PRKACA: variants seen among roughly 807,000 people sequenced by gnomAD.
The protein encoded by PRKACA is cAMP-dependent protein kinase catalytic subunit alpha.
PRKACA carries 9 observed loss-of-function variants against 45.8 expected under a neutral mutation model. That is an observed-to-expected ratio of 0.20 (90% CI 0.12 to 0.34). The LOEUF (loss-of-function observed/expected upper bound fraction) is 0.34. Ranked by LOEUF, PRKACA falls within the 10% of genes least tolerant of loss-of-function variation. The probability of loss-of-function intolerance (pLI) is 1.00; values close to 1 mark genes in which losing one functional copy is unlikely to be tolerated. For synonymous variants in PRKACA, 160 were observed against 178.6 expected (o/e 0.90, Z 0.83); for missense variants, 238 against 458.6 (o/e 0.52, Z 4.39).
At chr19:14,113,787 A>G (rs1271269563) in intron 1 of PRKACA, among the ~76,000 whole-genome samples, 3 of 143,564 alleles carry the variant, frequency 2.1e-5, no homozygotes, top group Non-Finnish European at 4.5e-5. Context: ...GCTGGACCCC[A>G]ACACTGGCTG....
At chr19:14,094,703 C>G (rs1267626635) in intron 8 of PRKACA, among the ~76,000 whole-genome samples, 2 of 152,214 alleles carry the variant, frequency 1.3e-5, no homozygotes, top group Admixed American at 6.5e-5. Flanking sequence ...CTTGCATTCT[C>G]AGCTGCTGCT....
chr19:14,093,121 A>G lies in PRKACA; in HGVS notation c.1047T>C (p.Ser349=). ...SINEKCGKEF[S]EF is the part of the protein sequence containing the mutation. ...GGGCACAGGCATGCCCCTAAAACTC[A>G]GAAAACTCCTTGCCACACTTCTCAT... Residue 349 remains serine, a synonymous_variant, in exon 10 of 10, where the codon TCT becomes TCC. Coordinates refer to ENST00000308677, the MANE Select transcript of PRKACA (RefSeq NM_002730.4). The G allele has an allele frequency of 3.1e-6, 5 of 1,610,542 alleles. No individual in the cohort carries two copies. The South Asian group carries it at 4.4e-5, about 14-fold the overall frequency.
rs893592478 is a variant in PRKACA at position 14,092,806 on chromosome 19, GAAACTCGTTTA to G, written c.*295_*305del. 2 of 373,594 alleles carry G rather than the reference GAAACTCGTTTA, an allele frequency of 5.4e-6. No individual in the cohort carries two copies. The highest frequency in any genetic ancestry group is 7.3e-4 in the Middle Eastern group (1 of 1,370). The allele number at this position is 373,594 out of a possible 1,614,324, so 23.1% of individuals were successfully genotyped here. ...CAAGACCTGGTCTGACTGGAGTTGA[GAAACTCGTTTA>G]AAACAGGCAGAAGTGGGCTGGGAGG... On this transcript the variant is annotated 3_prime_UTR_variant, in exon 10 of 10. Coordinates refer to ENST00000308677, the MANE Select transcript of PRKACA (RefSeq NM_002730.4).
At chr19:14,109,991 TATATATATACAC>T (rs1394338556) in intron 1 of PRKACA, among the ~76,000 whole-genome samples, 8 of 80,724 alleles carry the variant, frequency 9.9e-5, no homozygotes, top group African/African-American at 5.5e-4. Flanking sequence ...TATATATATA[TATATATATACAC>T]ACACACACAC....
intron 1 of PRKACA, among the ~76,000 whole-genome samples, chr19:14,110,632 C>G (rs1273531315): frequency 6.6e-6 from 1 of 152,120 alleles, no homozygotes; most frequent in African/African-American, 2.4e-5. Flanking sequence ...ACTGAGTGCT[C>G]AAATCTTAAA....
At chr19:14,113,068 C>G (rs1197144446) in intron 1 of PRKACA, among the ~76,000 whole-genome samples, 1 of 152,166 alleles carries the variant, frequency 6.6e-6, no homozygotes, top group Non-Finnish European at 1.5e-5. Context: ...GTATATCTGA[C>G]TCTTTTGTTT....
At chr19:14,107,984 T>A (rs1977663308) in intron 1 of PRKACA, 2 of 986,052 alleles carry the variant, frequency 2.0e-6, no homozygotes, top group Admixed American at 6.1e-5. Flanking sequence ...AAGGTGAACA[T>A]CACCGCCTGG....
At chr19:14,115,715 T>G (rs1334553330) in intron 1 of PRKACA, among the ~76,000 whole-genome samples, 1 of 152,212 alleles carries the variant, frequency 6.6e-6, no homozygotes, top group Non-Finnish European at 1.5e-5. Flanking sequence ...TCCTTTTTCT[T>G]GTGTGGCTTT....
At chr19:14,107,235 G>T in intron 2 of PRKACA, 113 bp downstream of exon 2, 2 of 1,149,936 alleles carry the variant, frequency 1.7e-6, no homozygotes, top group Non-Finnish European at 2.5e-6. Flanking sequence ...AAATGGGGAG[G>T]GTCTGAAGCC....
chr19:14,093,194 G>C lies in PRKACA; in HGVS notation c.974C>G (p.Thr325Arg). ...FIPKFKGPGDTSNFDDYEEEE... is the reference protein window; with the variant it reads ...FIPKFKGPGDRSNFDDYEEEE... ...TTCCTCATAGTCGTCAAAGTTACTC[G>C]TATCCCCAGGGCCTTTAAACTTTGG... Residue 325 changes from threonine (T) to arginine (R), a missense_variant, in exon 10 of 10, where the codon ACG becomes AGG. Thr to Arg is a moderately conservative substitution (Grantham distance 71). Transcript: ENST00000308677. The C allele has an allele frequency of 6.2e-7, 1 of 1,614,000 alleles. No individual in the cohort carries two copies. Among genetic ancestry groups the C allele is most frequent in the Non-Finnish European group, 8.5e-7 (1 of 1,179,948 alleles).
chr19:14,100,607 G>T (rs1189922593), intron 5 of PRKACA, among the ~76,000 whole-genome samples: 1 of 152,144 alleles, frequency 6.6e-6, no homozygotes, highest in Non-Finnish European at 1.5e-5. Context: ...AGCAACTTCA[G>T]TTTGGACACC....
Position 14,117,609 on chromosome 19 carries a change from G to A in PRKACA, c.-62C>T. 1 of 945,098 alleles carries A rather than the reference G, an allele frequency of 1.1e-6. No individual in the cohort carries two copies. Among genetic ancestry groups the A allele is most frequent in the Non-Finnish European group, 1.3e-6 (1 of 795,370 alleles). The allele number at this position is 945,098 out of a possible 1,614,324, so 58.5% of individuals were successfully genotyped here. A position where few individuals can be genotyped will look rare whatever the true frequency, so the allele number is the denominator to read the frequency against. On this transcript the variant is annotated 5_prime_UTR_variant, in exon 1 of 10. Coordinates refer to ENST00000308677, the MANE Select transcript of PRKACA (RefSeq NM_002730.4). ...GGCGCGGCGGGTGCTGGCTGCGGCC[G>A]GCGGCCCCGGAGCGCGCTGGGCGGC...
At chr19:14,100,720 C>G in intron 5 of PRKACA, 106 bp downstream of exon 5, 1 of 1,077,210 alleles carries the variant, frequency 9.3e-7, no homozygotes, top group African/African-American at 1.5e-5. Flanking sequence ...AGACCACCTG[C>G]ATGTTGAAGT....
chr19:14,114,114 G>A (rs1445399377), intron 1 of PRKACA: 2 of 1,608,706 alleles, frequency 1.2e-6, no homozygotes, highest in Non-Finnish European at 1.7e-6. Flanking sequence ...AGTTGCTATA[G>A]TAACAGGACT....
intron 3 of PRKACA, among the ~76,000 whole-genome samples, chr19:14,103,723 G>A (rs187103486): frequency 3.5e-4 from 54 of 152,274 alleles, no homozygotes; most frequent in African/African-American, 1.2e-3. Flanking sequence ...ATGGCTGGTC[G>A]GATGGGGAGC....
chr19:14,115,092 T>C (rs1489666206), intron 1 of PRKACA: 1 of 985,280 alleles, frequency 1.0e-6, no homozygotes, highest in African/African-American at 1.7e-5. Flanking sequence ...CTTCCTCATC[T>C]TATTTCCTTC....
rs1001013911 is a variant in PRKACA, at chr19:14,099,058, G to A, written c.420-1168C>T. Among the ~76,000 whole-genome samples the A allele has an allele frequency of 4.1e-5, 6 of 147,832 alleles. No individual in the cohort carries two copies. The South Asian group carries it at 8.4e-4, about 21-fold the overall frequency. On this transcript the variant is annotated intron_variant, in intron 5 of 9. Transcript: ENST00000308677. ...TCCCAGCATCTTGAGAGGCCAAGGC[G>A]GGGGGGGCGGATCACCTGAGGTCAG...
intron 1 of PRKACA, among the ~76,000 whole-genome samples, chr19:14,110,118 T>C (rs1422760520): frequency 1.3e-5 from 2 of 150,078 alleles, no homozygotes; most frequent in African/African-American, 4.9e-5. Flanking sequence ...GAGACCAGCC[T>C]TGGCAACATA....
intron 9 of PRKACA, 29 bp downstream of exon 9, chr19:14,093,599 C>A (rs772740970): frequency 6.2e-7 from 1 of 1,603,156 alleles, no homozygotes; most frequent in South Asian, 1.1e-5. Flanking sequence ...CTCCCAAACC[C>A]TCAGCAGGCT....
Sources: allele counts gnomAD v4.1 joint callset (sites outside exome capture counted in the v4.1 genomes callset), GRCh38; gene constraint gnomAD v4.1.1; transcripts MANE v1.5; gene names NCBI Gene and HGNC (gene_info 2026-07-23, HGNC 2026-07-21).